IFNAR1: variants seen among roughly 807,000 people sequenced by gnomAD.
IFNAR1 encodes interferon alpha/beta receptor 1.
A neutral mutation model predicts 62.1 loss-of-function variants in IFNAR1; 47 were observed. The ratio of observed to expected loss-of-function variants is 0.76; its 90% CI spans 0.60 to 0.97. IFNAR1 has a LOEUF of 0.97. IFNAR1 is among the 50% of genes least tolerant of loss of function. IFNAR1 has a pLI of 0.00. For missense variants in IFNAR1, 638 were observed against 654.5 expected (o/e 0.97, Z 0.27); for synonymous variants, 219 against 226.9 (o/e 0.97, Z 0.31).
At chr21:33,338,943 T>A (rs1340588321) in intron 2 of IFNAR1, among the ~76,000 whole-genome samples, 1 of 152,054 alleles carries the variant, frequency 6.6e-6, no homozygotes, top group African/African-American at 2.4e-5. Context: ...GATTTCTCCA[T>A]GTTGATCGGG....
At chr21:33,335,794 G>T in intron 2 of IFNAR1, 147 bp downstream of exon 2, 6 of 675,888 alleles carry the variant, frequency 8.9e-6, no homozygotes, top group Non-Finnish European at 1.3e-5. Flanking sequence ...TTTTAACTTT[G>T]TTTCTGTAGA....
rs1270190461 is a variant in IFNAR1, at chr21:33,342,522, C to T, written c.377-746C>T. On this transcript the variant is annotated intron_variant, in intron 3 of 10. Transcript: ENST00000270139. ...CTTCCAATTCCCTGTCAGCCCTCTC[C>T]ATTCAAATTCTGTTCCTCCTCACTT... Among the ~76,000 whole-genome samples, 29 of 152,094 alleles carry T rather than the reference C, an allele frequency of 1.9e-4. 1 individual carries two copies. Among genetic ancestry groups the T allele is most frequent in the Admixed American group, 1.9e-3 (29 of 15,254 alleles).
intron 5 of IFNAR1, among the ~76,000 whole-genome samples, chr21:33,344,332 A>G (rs2083323982): frequency 6.6e-6 from 1 of 152,200 alleles, no homozygotes; most frequent in Non-Finnish European, 1.5e-5. Flanking sequence ...TGTAAGTGGA[A>G]TGTTAAAATA....
chr21:33,336,606 G>A (rs1020718739), intron 2 of IFNAR1, among the ~76,000 whole-genome samples: 7 of 152,014 alleles, frequency 4.6e-5, no homozygotes, highest in Admixed American at 3.3e-4. Flanking sequence ...TATAAGTTGG[G>A]GTCTGAGCTA....
At chr21:33,354,891 A>G (rs1216147657) in intron 10 of IFNAR1, among the ~76,000 whole-genome samples, 2 of 152,166 alleles carry the variant, frequency 1.3e-5, no homozygotes, top group East Asian at 1.9e-4. Context: ...CATAGCTATT[A>G]TTTAAAATAG....
At chr21:33,344,913 G>T (rs1054541209) in intron 5 of IFNAR1, among the ~76,000 whole-genome samples, 1 of 151,852 alleles carries the variant, frequency 6.6e-6, no homozygotes, top group African/African-American at 2.4e-5. Context: ...TCAGCCTCCC[G>T]AGTAGCTGGG....
rs566677495 is a variant in IFNAR1, at chr21:33,359,787, A to G, written c.*4238A>G. On this transcript the variant is annotated 3_prime_UTR_variant, in exon 11 of 11. Coordinates refer to ENST00000270139, the MANE Select transcript of IFNAR1 (RefSeq NM_000629.3). ...TCCCTTTTTTACAGTGGACAAGGAC[A>G]CAAATAATAAATAAATCATCCCTAA... is the stretch of plus-strand genomic sequence containing the variant. The G allele has an allele frequency of 4.6e-5, 7 of 152,310 alleles. No individual in the cohort carries two copies. The East Asian group carries it at 1.4e-3, about 29-fold the overall frequency. The allele number at this position is 152,310 out of a possible 1,614,324, so 9.4% of individuals were successfully genotyped here.
At chr21:33,342,676 C>G (rs1418051337) in intron 3 of IFNAR1, among the ~76,000 whole-genome samples, 8 of 130,226 alleles carry the variant, frequency 6.1e-5, no homozygotes, top group East Asian at 4.5e-4. Flanking sequence ...AACCCTGTCT[C>G]TACTAAAAAT....
At chr21:33,340,878 T>C in intron 2 of IFNAR1, 121 bp from the exon 3 acceptor site, 1 of 642,666 alleles carries the variant, frequency 1.6e-6, no homozygotes, top group East Asian at 2.8e-5. Flanking sequence ...AAAATAGAAA[T>C]AACTCTTAAA....
At position 33,325,073 on chromosome 21, in the gene IFNAR1, G is replaced by A. The variant is rs1487091362; in HGVS notation, c.18G>A (p.Leu6=). ...GCTCCCAGATGATGGTCGTCCTCCT[G>A]GGCGCGACGACCCTAGTGCTCGTCG... MMVVL[L]GATTLVLVAV... The change falls in exon 1 of 11, where the codon CTG becomes CTA. Residue 6 remains leucine (L), a synonymous_variant. Transcript: ENST00000270139. 3 of 1,608,812 alleles carry A rather than the reference G, an allele frequency of 1.9e-6. No homozygotes were observed. Among genetic ancestry groups the A allele is most frequent in the East Asian group, 2.2e-5 (1 of 44,678 alleles).
intron 6 of IFNAR1, among the ~76,000 whole-genome samples, chr21:33,348,261 C>T (rs1314254101): frequency 6.6e-6 from 1 of 152,130 alleles, no homozygotes; most frequent in African/African-American, 2.4e-5. Context: ...AAGAAAAAGT[C>T]CTATTTTGTA....
Position 33,358,561 on chromosome 21 carries a change from C to T in IFNAR1, c.*3012C>T, listed in dbSNP as rs2083470958. The T allele has an allele frequency of 6.6e-6, 1 of 152,122 alleles. No individual in the cohort carries two copies. The highest frequency in any genetic ancestry group is 1.9e-4 in the East Asian group (1 of 5,188). 9.4% of individuals were successfully genotyped at this position (152,122 alleles called of 1,614,324 possible). On this transcript the variant is annotated 3_prime_UTR_variant, in exon 11 of 11. Coordinates refer to ENST00000270139, the MANE Select transcript of IFNAR1 (RefSeq NM_000629.3). ...TATATGTACCTGCACATGTACCCAC[C>T]TGATGTAGGTCTTATTCCTTTAGTA... is the stretch of plus-strand genomic sequence containing the variant.
chr21:33,331,520 G>C (rs1401570703), intron 1 of IFNAR1, among the ~76,000 whole-genome samples: 1 of 152,114 alleles, frequency 6.6e-6, no homozygotes, highest in East Asian at 1.9e-4. Flanking sequence ...CGCTTCCCTG[G>C]AGCTGGACTA....
At chr21:33,345,689 A>G (rs1459939786) in intron 6 of IFNAR1, among the ~76,000 whole-genome samples, 1 of 152,258 alleles carries the variant, frequency 6.6e-6, no homozygotes, top group Non-Finnish European at 1.5e-5. Context: ...AAGACTCGAC[A>G]GTTGACCCTG....
chr21:33,355,574 A>G lies in IFNAR1; in HGVS notation c.*25A>G, dbSNP rs779519839. On this transcript the variant is annotated 3_prime_UTR_variant, in exon 11 of 11. Transcript: ENST00000270139. ...ACCAGAAATGAACTGTGTCAAGTAT[A>G]AGGTTTTTCAGCAGGAGTTACACTG... 3.0e-6 allele frequency: 4 copies of G among 1,337,464 alleles called. No individual in the cohort carries two copies. The Admixed American group carries it at 6.9e-5, about 23-fold the overall frequency. 82.8% of individuals were successfully genotyped at this position (1,337,464 alleles called of 1,614,324 possible). A position where few individuals can be genotyped will look rare whatever the true frequency, so the allele number is the denominator to read the frequency against.
At chr21:33,334,351 A>T (rs2083212452) in intron 1 of IFNAR1, among the ~76,000 whole-genome samples, 5 of 152,140 alleles carry the variant, frequency 3.3e-5, no homozygotes, top group Admixed American at 3.3e-4. Flanking sequence ...CAGAGAAGTG[A>T]CTTGTCATAC....
At chr21:33,351,744 T>C (rs2123267994) in intron 8 of IFNAR1, among the ~76,000 whole-genome samples, 1 of 152,100 alleles carries the variant, frequency 6.6e-6, no homozygotes, top group East Asian at 1.9e-4. Context: ...AAGATGGAGT[T>C]TCACCACGTT....
chr21:33,351,355 T>G (rs2243600), intron 8 of IFNAR1, among the ~76,000 whole-genome samples: 115,743 of 151,824 alleles, frequency 0.76, 44,418 homozygotes, highest in African/African-American at 0.84. Flanking sequence ...TTGCCAGGAA[T>G]AAAATGTATT....
At chr21:33,350,513 G>C (rs1025613156) in intron 8 of IFNAR1, among the ~76,000 whole-genome samples, 2 of 151,872 alleles carry the variant, frequency 1.3e-5, no homozygotes, top group Non-Finnish European at 2.9e-5. Context: ...TAGTTGGGGA[G>C]GTAATGAAAA....
Sources: allele counts gnomAD v4.1 joint callset (sites outside exome capture counted in the v4.1 genomes callset), GRCh38; gene constraint gnomAD v4.1.1; transcripts MANE v1.5; gene names NCBI Gene and HGNC (gene_info 2026-07-23, HGNC 2026-07-21).